NLRP14: variants seen among roughly 807,000 people sequenced by gnomAD.
The protein encoded by NLRP14 is NLR family pyrin domain containing 14, also known as NACHT, LRR and PYD domains-containing protein 14.
A neutral mutation model predicts 94.7 loss-of-function variants in NLRP14; 105 were observed. The ratio of observed to expected loss-of-function variants is 1.11; its 90% CI spans 0.95 to 1.30. The LOEUF is 1.30. NLRP14 is among the 50% of genes most tolerant of loss of function. The pLI, the probability that NLRP14 is intolerant of heterozygous loss-of-function variation, is 0.00. For synonymous variants in NLRP14, 508 were observed against 459.9 expected, an observed-to-expected ratio of 1.10 and a Z score of -1.34; for missense variants, 1,362 against 1,254.1, an observed-to-expected ratio of 1.09 and a Z score of -1.30.
At chr11:7,024,719 G>A (rs566519255) in intron 1 of NLRP14, among the ~76,000 whole-genome samples, 2 of 151,988 alleles carry the variant, frequency 1.3e-5, no homozygotes, top group African/African-American at 4.8e-5. Flanking sequence ...TCTCTAATAA[G>A]CTTAGAACAT....
intron 1 of NLRP14, among the ~76,000 whole-genome samples, chr11:7,025,957 G>A (rs1852009288): frequency 6.6e-6 from 1 of 152,084 alleles, no homozygotes; most frequent in Non-Finnish European, 1.5e-5. Context: ...GAATTTCAAA[G>A]GTATATATAG....
At chr11:7,067,496 C>CTCTG (rs1565027544) in intron 10 of NLRP14, among the ~76,000 whole-genome samples, 2 of 152,006 alleles carry the variant, frequency 1.3e-5, no homozygotes, top group Non-Finnish European at 1.5e-5. Flanking sequence ...TGATTTGGCT[C>CTCTG]TTTGTCTGTT....
chr11:7,060,117 G>T, intron 9 of NLRP14, 53 bp downstream of exon 9: 1 of 1,461,556 alleles, frequency 6.8e-7, no homozygotes, highest in Non-Finnish European at 9.6e-7. Flanking sequence ...GAGTGTCTGG[G>T]GAGATACTGA....
chr11:7,057,364 A>C (rs1248668838), intron 6 of NLRP14, among the ~76,000 whole-genome samples: 1 of 151,982 alleles, frequency 6.6e-6, no homozygotes, highest in Non-Finnish European at 1.5e-5. Flanking sequence ...CATATCTTCC[A>C]AGTTGTAGTT....
chr11:7,064,780 T>C (rs1852679363), intron 10 of NLRP14, among the ~76,000 whole-genome samples: 1 of 152,102 alleles, frequency 6.6e-6, no homozygotes, highest in Non-Finnish European at 1.5e-5. Context: ...TTTAAAAATA[T>C]ATGTAGCTGT....
At position 7,043,394 on chromosome 11, in the gene NLRP14, T is replaced by A. The variant is rs1565016931; in HGVS notation, c.1368T>A (p.Asp456Glu). Residue 456 changes from aspartate to glutamate, a missense_variant, in exon 4 of 12, where the codon GAT becomes GAA. Asp to Glu is a conservative substitution (Grantham distance 45). Transcript: ENST00000299481. ...GAAGGCTTGGGTTAACTCAATCTGA[T>A]GTCTCTAGTTTTATGGACAGCAATA... is the stretch of plus-strand genomic sequence containing the variant. ...NLRRLGLTQS[D>E]VSSFMDSNII... 6.2e-7 allele frequency: 1 copy of A among 1,614,172 alleles called. No homozygotes were observed. The highest frequency in any genetic ancestry group is 8.5e-7 in the Non-Finnish European group (1 of 1,179,990).
chr11:7,078,220 C>CCT, the NLRP14 span, among the ~76,000 whole-genome samples: 2 of 150,714 alleles, frequency 1.3e-5, no homozygotes, highest in Admixed American at 6.6e-5. Flanking sequence ...GGGTGGATCA[C>CCT]GAGGTCAGGA....
intron 6 of NLRP14, among the ~76,000 whole-genome samples, chr11:7,057,419 A>AT: frequency 6.6e-6 from 1 of 152,172 alleles, no homozygotes; most frequent in East Asian, 1.9e-4. Flanking sequence ...ATTTAAAGAT[A>AT]TTTTTGAATG....
At chr11:7,034,411 G>C (rs552437010) in intron 1 of NLRP14, among the ~76,000 whole-genome samples, 1 of 152,250 alleles carries the variant, frequency 6.6e-6, no homozygotes, top group South Asian at 2.1e-4. Flanking sequence ...CCCAGCCCTA[G>C]AATCAGCAGT....
chr11:7,057,890 G>A (rs766082014), intron 7 of NLRP14, 43 bp downstream of exon 7: 41 of 1,518,962 alleles, frequency 2.7e-5, no homozygotes, highest in African/African-American at 1.6e-4. Flanking sequence ...ATTTTGCTTG[G>A]TTCTGTGTAG....
chr11:7,054,626 G>T (rs1852493396), intron 6 of NLRP14, among the ~76,000 whole-genome samples: 2 of 151,986 alleles, frequency 1.3e-5, no homozygotes, highest in Admixed American at 6.6e-5. Flanking sequence ...CAGATCTCTT[G>T]CCCATTTTAA....
In NLRP14 at chr11:7,043,190, T is replaced by C; in HGVS notation, c.1164T>C (p.Asp388=). The C allele has an allele frequency of 6.2e-7, 1 of 1,614,174 alleles. No homozygotes were observed. Residue 388 remains aspartate, a synonymous_variant, in exon 4 of 12, where the codon GAT becomes GAC. Coordinates refer to ENST00000299481, the MANE Select transcript of NLRP14 (RefSeq NM_176822.4). ...AGCAGCAAATGGAGAAGGGTGGTGA[T>C]GTCACATTGACCTGCCAAACAACCA... is the stretch of plus-strand genomic sequence containing the variant. ...CLKQQMEKGG[D]VTLTCQTTTA...
the NLRP14 span, among the ~76,000 whole-genome samples, chr11:7,084,422 A>G: frequency 6.3e-4 from 96 of 152,296 alleles, no homozygotes; most frequent in South Asian, 1.2e-3. Flanking sequence ...GCTGGTCACC[A>G]GAAATACCAA....
intron 11 of NLRP14, 131 bp from the exon 12 acceptor site, chr11:7,071,042 C>A: frequency 3.1e-6 from 3 of 979,252 alleles, no homozygotes; most frequent in Non-Finnish European, 4.7e-6. Context: ...CACTCCTCAC[C>A]CATGTTATAA....
the NLRP14 span, among the ~76,000 whole-genome samples, chr11:7,077,281 T>C: frequency 6.6e-6 from 1 of 152,202 alleles, no homozygotes; most frequent in Non-Finnish European, 1.5e-5. Context: ...AATTCTGGTC[T>C]CCATCACCAG....
the NLRP14 span, among the ~76,000 whole-genome samples, chr11:7,083,101 G>A: frequency 6.6e-6 from 1 of 152,174 alleles, no homozygotes; most frequent in Non-Finnish European, 1.5e-5. Context: ...CTTCCCTGTG[G>A]GAGAAATTGC....
chr11:7,081,210 G>A, the NLRP14 span, among the ~76,000 whole-genome samples: 2 of 152,154 alleles, frequency 1.3e-5, no homozygotes, highest in Non-Finnish European at 2.9e-5. Flanking sequence ...TTATTAAGGT[G>A]AACTTTAGAA....
chr11:7,089,837 C>T, the NLRP14 span: 1 of 1,611,216 alleles, frequency 6.2e-7, no homozygotes, highest in Admixed American at 1.7e-5. Flanking sequence ...GAGAGTACAC[C>T]CACCGCGATT....
chr11:7,036,123 A>T (rs150767490), intron 1 of NLRP14, among the ~76,000 whole-genome samples: 230 of 152,364 alleles, frequency 1.5e-3, no homozygotes, highest in African/African-American at 5.2e-3. Flanking sequence ...TGAGCTAATT[A>T]TTTTGAACAA....
Sources: allele counts gnomAD v4.1 joint callset (sites outside exome capture counted in the v4.1 genomes callset), GRCh38; gene constraint gnomAD v4.1.1; transcripts MANE v1.5; gene names NCBI Gene and HGNC (gene_info 2026-07-23, HGNC 2026-07-21).